The following KIAA1217 variants were observed in gnomAD, a reference collection of about 807,000 sequenced individuals.
KIAA1217 encodes the protein KIAA1217, also known as sickle tail protein homolog.
Under a neutral mutation model 163.9 loss-of-function variants are expected in KIAA1217, and 88 were observed. The observed-to-expected ratio is 0.54, with a 90% CI of 0.45 to 0.64. The LOEUF is 0.64. Ranked by LOEUF, KIAA1217 falls within the 30% of genes least tolerant of loss-of-function variation. The probability of loss-of-function intolerance (pLI) is 0.00; values close to 1 mark genes in which losing one functional copy is unlikely to be tolerated. For synonymous variants in KIAA1217, 903 were observed against 923.1 expected (o/e 0.98, Z 0.39); for missense variants, 2,372 against 2,475.0 (o/e 0.96, Z 0.88).
rs193018264 is a variant in KIAA1217, at chr10:23,986,590, T to A, written c.-320-20635T>A. On this transcript the variant is annotated intron_variant, in intron 1 of 18. Transcript: ENST00000376462. ...GTACTGCTATTTTTTGTTGTTTTTT[T>A]ATGAATTTTTTTGATCCACAGTTGG... Among the ~76,000 whole-genome samples, 810 of 152,360 alleles carry A rather than the reference T, an allele frequency of 5.3e-3. 4 individuals carry two copies. The highest frequency in any genetic ancestry group is 7.0e-3 in the Non-Finnish European group (473 of 68,038).
intron 2 of KIAA1217, among the ~76,000 whole-genome samples, chr10:24,011,973 T>C (rs73604444): frequency 0.01 from 1,574 of 150,304 alleles, 33 homozygotes; most frequent in African/African-American, 0.037. Context: ...CATGTTCAGA[T>C]GGAAATGACA....
chr10:24,498,107 C>T (rs1286133928), intron 8 of KIAA1217, among the ~76,000 whole-genome samples: 1 of 151,938 alleles, frequency 6.6e-6, no homozygotes, highest in Admixed American at 6.6e-5. Flanking sequence ...GTATGTGGAT[C>T]TGAAGATGAT....
Position 24,545,122 on chromosome 10 carries a change from C to T in KIAA1217, c.5334+19C>T, listed in dbSNP as rs762665707. 6.2e-7 allele frequency: 1 copy of T among 1,614,012 alleles called. No homozygotes were observed. The highest frequency in any genetic ancestry group is 8.5e-7 in the Non-Finnish European group (1 of 1,179,926). On this transcript the variant is annotated intron_variant, in intron 20 of 20. Transcript: ENST00000376454. ...TCGTCAGGTAGTTTTACCTTAAACC[C>T]ACTTTTGGATGGACGCTATTTCAGT...
At chr10:24,034,437 C>T (rs1024976968) in intron 2 of KIAA1217, among the ~76,000 whole-genome samples, 1 of 151,840 alleles carries the variant, frequency 6.6e-6, no homozygotes, top group Non-Finnish European at 1.5e-5. Flanking sequence ...GTGGCACATG[C>T]CTGTGGTCCC....
chr10:24,223,711 C>CT (rs535787368), intron 2 of KIAA1217, among the ~76,000 whole-genome samples: 5,290 of 128,460 alleles, frequency 0.041, 145 homozygotes, highest in African/African-American at 0.07. Context: ...AATCTAGGTT[C>CT]TTTTTTTTTT....
chr10:24,418,825 CT>C (rs879278581), intron 3 of KIAA1217, among the ~76,000 whole-genome samples: 270 of 146,462 alleles, frequency 1.8e-3, no homozygotes, highest in African/African-American at 3.9e-3. Context: ...AAAAGGCCAA[CT>C]TTTTTTTTTT....
intron 2 of KIAA1217, among the ~76,000 whole-genome samples, chr10:24,171,268 A>G (rs2065615470): frequency 6.6e-6 from 1 of 152,226 alleles, no homozygotes; most frequent in South Asian, 2.1e-4. Context: ...ACCAAAATAC[A>G]TGGCTCTGAT....
chr10:24,314,310 A>G (rs897862275), intron 2 of KIAA1217, among the ~76,000 whole-genome samples: 2 of 152,184 alleles, frequency 1.3e-5, no homozygotes, highest in African/African-American at 2.4e-5. Context: ...ATTTCTGCCT[A>G]AAATTTAAGC....
intron 2 of KIAA1217, among the ~76,000 whole-genome samples, chr10:24,262,907 A>G (rs1292838266): frequency 6.6e-6 from 1 of 150,732 alleles, no homozygotes; most frequent in African/African-American, 2.4e-5. Flanking sequence ...CCAGTATCGC[A>G]CCACTGCACT....
chr10:23,945,759 C>A (rs543551396), intron 1 of KIAA1217, among the ~76,000 whole-genome samples: 7 of 152,106 alleles, frequency 4.6e-5, no homozygotes, highest in African/African-American at 1.7e-4. Flanking sequence ...TACTTCATTT[C>A]TAATAGTAGT....
intron 1 of KIAA1217, among the ~76,000 whole-genome samples, chr10:23,817,467 C>A (rs1564447169): frequency 2.6e-5 from 4 of 152,120 alleles, no homozygotes; most frequent in Admixed American, 1.3e-4. Flanking sequence ...CAGGTGCTTT[C>A]TTTTCAAAAC....
At chr10:23,854,504 G>C (rs990766165) in intron 1 of KIAA1217, among the ~76,000 whole-genome samples, 1 of 152,118 alleles carries the variant, frequency 6.6e-6, no homozygotes, top group African/African-American at 2.4e-5. Flanking sequence ...ATGTGGGGTG[G>C]AGAGTTCTGT....
intron 2 of KIAA1217, among the ~76,000 whole-genome samples, chr10:24,300,655 C>T (rs1459446523): frequency 6.6e-6 from 1 of 152,174 alleles, no homozygotes; most frequent in Non-Finnish European, 1.5e-5. Context: ...ACAGCCTCCA[C>T]CTCCTGGGTT....
At chr10:24,497,088 GC>G (rs1351008071) in intron 8 of KIAA1217, among the ~76,000 whole-genome samples, 1 of 152,200 alleles carries the variant, frequency 6.6e-6, no homozygotes, top group Non-Finnish European at 1.5e-5. Flanking sequence ...TGCCATAGCA[GC>G]CTTGTATAGT....
chr10:24,466,872 CTGAT>C (rs2063008084), intron 5 of KIAA1217: 1 of 795,136 alleles, frequency 1.3e-6, no homozygotes, highest in African/African-American at 1.9e-5. Flanking sequence ...ATTGTGTGGT[CTGAT>C]TGAGTGGTAT....
At chr10:23,803,986 T>C (rs1398199279) in intron 1 of KIAA1217, among the ~76,000 whole-genome samples, 2 of 152,210 alleles carry the variant, frequency 1.3e-5, no homozygotes, top group Admixed American at 1.3e-4. Context: ...AGATATATGA[T>C]ATAAATATGG....
chr10:23,975,981 C>T (rs760468236), intron 1 of KIAA1217, among the ~76,000 whole-genome samples: 2 of 152,128 alleles, frequency 1.3e-5, no homozygotes, highest in African/African-American at 2.4e-5. Flanking sequence ...GTAGGGACTG[C>T]TCTTGTTAGC....
intron 5 of KIAA1217, chr10:24,466,853 G>C (rs2063004255): frequency 1.1e-6 from 1 of 919,896 alleles, no homozygotes; most frequent in African/African-American, 1.8e-5. Context: ...AGTTTTCTCT[G>C]CTTACTTCAT....
At chr10:24,495,264 G>A in intron 8 of KIAA1217, 68 bp downstream of exon 8, 2 of 1,307,586 alleles carry the variant, frequency 1.5e-6, no homozygotes, top group Non-Finnish European at 2.2e-6. Context: ...GCTGGTCTCA[G>A]AAATGTTTAA....
Sources: allele counts gnomAD v4.1 joint callset (sites outside exome capture counted in the v4.1 genomes callset), GRCh38; gene constraint gnomAD v4.1.1; transcripts MANE v1.5; gene names NCBI Gene and HGNC (gene_info 2026-07-23, HGNC 2026-07-21).